The following STK3 variants were observed in gnomAD, a reference collection of about 807,000 sequenced individuals.
STK3 encodes the protein serine/threonine kinase 3.
A neutral mutation model predicts 58.0 loss-of-function variants in STK3; 41 were observed. That is an observed-to-expected ratio of 0.71 (90% CI 0.55 to 0.92). STK3 has a LOEUF of 0.92. STK3 is among the 40% of genes least tolerant of loss of function. The pLI, the probability that STK3 is intolerant of heterozygous loss-of-function variation, is 0.00. For missense variants in STK3, 479 were observed against 602.7 expected (o/e 0.79, Z 2.15); for synonymous variants, 170 against 191.0 (o/e 0.89, Z 0.91).
intron 6 of STK3, chr8:98,597,620 G>A (rs1157306025): frequency 1.0e-5 from 10 of 985,212 alleles, no homozygotes; most frequent in Non-Finnish European, 7.2e-6. Context: ...ATCTCACATT[G>A]CCACAAGATG....
chr8:98,645,477 G>A (rs1401554724), intron 6 of STK3, among the ~76,000 whole-genome samples: 2 of 152,030 alleles, frequency 1.3e-5, no homozygotes, highest in South Asian at 2.1e-4. Flanking sequence ...TAGGCTAAAC[G>A]GCACATTTTA....
chr8:98,804,815 G>A (rs568667964), intron 1 of STK3, among the ~76,000 whole-genome samples: 20 of 152,084 alleles, frequency 1.3e-4, no homozygotes, highest in Admixed American at 2.0e-4. Flanking sequence ...AGTTGGTCTA[G>A]GTCAATAGCA....
At chr8:98,370,383 G>A (rs1425850614), downstream of STK3, among the ~76,000 whole-genome samples, 11 of 150,370 alleles carry the variant, frequency 7.3e-5, no homozygotes, top group East Asian at 1.9e-4. Flanking sequence ...GTGTGTGTGT[G>A]TATCCTTAGA....
At chr8:98,396,584 G>T (rs1374506877), downstream of STK3, among the ~76,000 whole-genome samples, 1 of 152,250 alleles carries the variant, frequency 6.6e-6, no homozygotes, top group South Asian at 2.1e-4. Context: ...TTTCATGTCT[G>T]ATGGCCAGTG....
At chr8:98,743,571 T>C (rs553191493) in intron 4 of STK3, among the ~76,000 whole-genome samples, 1 of 152,282 alleles carries the variant, frequency 6.6e-6, no homozygotes, top group Admixed American at 6.5e-5. Context: ...TTACACTTTA[T>C]ACAAAAATTA....
In STK3 at chr8:98,710,635, G is replaced by A. The variant is rs556571632; in HGVS notation, c.352-3324C>T. ...GCCCAGGCTTGAGTAGGTAAACAAA[G>A]CAGCCAGGAAGCTCAAACTGGGTGC... On this transcript the variant is annotated intron_variant, in intron 4 of 10. Coordinates refer to ENST00000419617, the MANE Select transcript of STK3 (RefSeq NM_006281.4). Among the ~76,000 whole-genome samples, 5 of 152,350 alleles carry A rather than the reference G, an allele frequency of 3.3e-5. No homozygotes were observed. The South Asian group carries it at 6.2e-4, about 19-fold the overall frequency.
At chr8:98,403,342 A>G (rs767028500) in intron 3 of STK3, among the ~76,000 whole-genome samples, 6 of 152,178 alleles carry the variant, frequency 3.9e-5, no homozygotes, top group Admixed American at 1.3e-4. Context: ...TGTCTCCCCC[A>G]TAGAAGTACC....
intron 1 of STK3, among the ~76,000 whole-genome samples, chr8:98,918,776 C>A (rs555190911): frequency 2.0e-5 from 3 of 151,728 alleles, no homozygotes; most frequent in Non-Finnish European, 4.4e-5. Context: ...CTCAAAAAGA[C>A]AAAAACAAAA....
At chr8:98,673,106 C>G (rs896081601) in intron 6 of STK3, among the ~76,000 whole-genome samples, 1 of 152,164 alleles carries the variant, frequency 6.6e-6, no homozygotes, top group African/African-American at 2.4e-5. Context: ...TCTAAACTTT[C>G]TCATAGCCCA....
chr8:98,893,552 GAGAA>G (rs1838339854), intron 1 of STK3, among the ~76,000 whole-genome samples: 4 of 147,708 alleles, frequency 2.7e-5, no homozygotes, highest in Non-Finnish European at 6.0e-5. Flanking sequence ...GAAAGAGAAA[GAGAA>G]AGAGAGAGGG....
At chr8:98,642,311 T>C (rs925515090) in intron 6 of STK3, among the ~76,000 whole-genome samples, 5 of 152,154 alleles carry the variant, frequency 3.3e-5, no homozygotes, top group African/African-American at 9.7e-5. Flanking sequence ...ATGGTAAAGA[T>C]GGTTAATTTT....
intron 4 of STK3, among the ~76,000 whole-genome samples, chr8:98,712,009 C>A (rs1448843551): frequency 6.6e-6 from 1 of 152,106 alleles, no homozygotes; most frequent in African/African-American, 2.4e-5. Context: ...ATTTTCAACC[C>A]AGAATTTCAT....
chr8:98,726,136 T>C (rs1167645277), intron 4 of STK3, among the ~76,000 whole-genome samples: 2 of 152,036 alleles, frequency 1.3e-5, no homozygotes, highest in African/African-American at 4.8e-5. Context: ...GAATGTACAA[T>C]ACAAAAATAA....
intron 9 of STK3, among the ~76,000 whole-genome samples, chr8:98,537,588 AC>A (rs1299669401): frequency 6.6e-6 from 1 of 152,186 alleles, no homozygotes; most frequent in Non-Finnish European, 1.5e-5. Flanking sequence ...TATGGCAAAT[AC>A]TTTTTTTAAG....
At chr8:98,576,272 T>C (rs1223944213) in intron 8 of STK3, among the ~76,000 whole-genome samples, 1 of 152,246 alleles carries the variant, frequency 6.6e-6, no homozygotes, top group African/African-American at 2.4e-5. Context: ...CCTATCCTTA[T>C]GCTAGTACTA....
intron 6 of STK3, among the ~76,000 whole-genome samples, chr8:98,648,072 C>G (rs914370321): frequency 6.6e-6 from 1 of 152,120 alleles, no homozygotes; most frequent in South Asian, 2.1e-4. Context: ...TTTCCCCTAC[C>G]TTTCTCTACA....
At chr8:98,928,972 G>A (rs1343026934) in intron 1 of STK3, among the ~76,000 whole-genome samples, 2 of 152,238 alleles carry the variant, frequency 1.3e-5, no homozygotes. Context: ...AAAGGTCAAA[G>A]CTTGACAAAC....
rs1275272045 is a variant in STK3, at chr8:98,444,722, G to A, written n.186-7514C>T. 4.6e-5 allele frequency among the ~76,000 whole-genome samples: 7 copies of A among 152,180 alleles called. No individual in the cohort carries two copies. In the East Asian group the frequency reaches 9.6e-4, roughly 21 times the overall value. Reference sequence around the variant, plus strand: ...TTTGGTCATGTTGAACTTGAGGTACGTGTGGGACATTAAAAATGCAGATGT... The same window carrying A: ...TTTGGTCATGTTGAACTTGAGGTACATGTGGGACATTAAAAATGCAGATGT... On this transcript the variant is annotated intron_variant and non_coding_transcript_variant, in intron 1 of 3. Coordinates refer to the STK3 transcript ENST00000517832.
chr8:98,747,168 G>C (rs929059972), intron 4 of STK3, among the ~76,000 whole-genome samples: 1 of 147,662 alleles, frequency 6.8e-6, no homozygotes. Flanking sequence ...TCAGACAACT[G>C]AGAAACACAG....
Sources: allele counts gnomAD v4.1 joint callset (sites outside exome capture counted in the v4.1 genomes callset), GRCh38; gene constraint gnomAD v4.1.1; transcripts MANE v1.5; gene names NCBI Gene and HGNC (gene_info 2026-07-23, HGNC 2026-07-21).